Variants in KIAA1958 observed in about 807,000 individuals in gnomAD.
KIAA1958 encodes KIAA1958, also known as uncharacterized protein KIAA1958.
KIAA1958 carries 14 observed loss-of-function variants against 47.2 expected under a neutral mutation model. The observed-to-expected ratio is 0.30, with a 90% CI of 0.20 to 0.46. The LOEUF (loss-of-function observed/expected upper bound fraction) is 0.46. Ranked by LOEUF, KIAA1958 falls within the 20% of genes least tolerant of loss-of-function variation. The pLI is 1.00. For missense variants in KIAA1958, 803 were observed against 909.2 expected (o/e 0.88, Z 1.50); for synonymous variants, 354 against 353.3 (o/e 1.00, Z -0.02).
chr9:112,595,087 C>G (rs1835995178), intron 2 of KIAA1958, among the ~76,000 whole-genome samples: 1 of 152,226 alleles, frequency 6.6e-6, no homozygotes, highest in Non-Finnish European at 1.5e-5. Context: ...AATATTTTCA[C>G]TTTACCTGTG....
rs532231069 is a variant in KIAA1958, at chr9:112,585,428, G to A, written c.1171+10177G>A. 9.3e-4 allele frequency among the ~76,000 whole-genome samples: 142 copies of A among 152,362 alleles called. No individual in the cohort carries two copies. The Middle Eastern group carries it at 0.02, about 22-fold the overall frequency. On this transcript the variant is annotated intron_variant, in intron 2 of 3. Transcript: ENST00000337530. ...AAGCAAGGAGTTGACTGTAGCTTGA[G>A]AATATATCTCAATGGAGCCAGGAGA...
intron 1 of KIAA1958, among the ~76,000 whole-genome samples, chr9:112,509,442 C>T (rs1268382234): frequency 2.6e-4 from 39 of 152,078 alleles, no homozygotes; most frequent in South Asian, 4.1e-4. Context: ...CTCAGGTGAT[C>T]CACCCTCCTC....
intron 2 of KIAA1958, among the ~76,000 whole-genome samples, chr9:112,595,977 G>T (rs996684365): frequency 6.6e-6 from 1 of 151,972 alleles, no homozygotes; most frequent in East Asian, 1.9e-4. Context: ...TAAAGACGGG[G>T]TTTCTCCATG....
rs1242591544 is a variant in KIAA1958, at chr9:112,574,088, A to G, written c.8A>G (p.Asp3Gly). Residue 3 changes from aspartate to glycine, a missense_variant, in exon 2 of 4, where the codon GAT becomes GGT. Asp to Gly is a moderately conservative substitution (Grantham distance 94). Around this residue, in one of 2 missense-constraint regions of KIAA1958, gnomAD observed 42 missense variants for 79.9 expected, o/e 0.53. Coordinates refer to ENST00000337530, the MANE Select transcript of KIAA1958 (RefSeq NM_133465.4). ...CACTGCTGATCCTGTAACATGGAGG[A>G]TTGTCTTCATACCTCATCTGAGAAT... ME[D>G]CLHTSSENLS... 6.3e-7 allele frequency: 1 copy of G among 1,576,796 alleles called. No individual in the cohort carries two copies. The highest frequency in any genetic ancestry group is 1.4e-5 in the African/African-American group (1 of 73,946).
chr9:112,572,738 A>G (rs1191558652), intron 1 of KIAA1958, among the ~76,000 whole-genome samples: 2 of 152,240 alleles, frequency 1.3e-5, no homozygotes, highest in South Asian at 2.1e-4. Context: ...GGGGACCACA[A>G]GAAGTGTGGG....
chr9:112,604,539 A>G (rs989944783), intron 2 of KIAA1958, among the ~76,000 whole-genome samples: 1 of 152,224 alleles, frequency 6.6e-6, no homozygotes, highest in South Asian at 2.1e-4. Flanking sequence ...TACCTTCTTT[A>G]AGAGAATCTA....
intron 2 of KIAA1958, among the ~76,000 whole-genome samples, chr9:112,608,624 T>A (rs1246501425): frequency 1.3e-5 from 2 of 151,964 alleles, no homozygotes; most frequent in East Asian, 3.9e-4. Flanking sequence ...CCGTTATCTA[T>A]ACCAAAAATG....
At chr9:112,530,127 G>A (rs1202904248) in intron 1 of KIAA1958, among the ~76,000 whole-genome samples, 2 of 152,344 alleles carry the variant, frequency 1.3e-5, no homozygotes, top group South Asian at 2.1e-4. Context: ...ACAGGCGTGA[G>A]CCACCACATC....
rs1588027523 is a variant in KIAA1958 at position 112,582,068 on chromosome 9, G to A, written c.1171+6817G>A. ...CCGCTTCAGCGCTGGGAAGGCATAGGCACTGGTTTCAAGTCTACAGACAGT... is the reference window on the plus strand; with the variant it reads ...CCGCTTCAGCGCTGGGAAGGCATAGACACTGGTTTCAAGTCTACAGACAGT... On this transcript the variant is annotated intron_variant, in intron 2 of 3. Transcript: ENST00000337530. 2.0e-5 allele frequency: 4 copies of A among 201,978 alleles called. No individual in the cohort carries two copies. The East Asian group carries it at 5.0e-4, about 25-fold the overall frequency. 12.5% of individuals were successfully genotyped at this position (201,978 alleles called of 1,614,324 possible).
intron 2 of KIAA1958, among the ~76,000 whole-genome samples, chr9:112,644,016 A>G (rs1385309389): frequency 1.3e-5 from 2 of 152,006 alleles, no homozygotes; most frequent in African/African-American, 4.8e-5. Context: ...CGTTTCTACT[A>G]AAAATACAAA....
At chr9:112,623,192 A>G (rs1233411169) in intron 2 of KIAA1958, among the ~76,000 whole-genome samples, 1 of 152,240 alleles carries the variant, frequency 6.6e-6, no homozygotes, top group Non-Finnish European at 1.5e-5. Flanking sequence ...GCACATATGC[A>G]TCAGAGTGTA....
In KIAA1958 at chr9:112,668,230, C is replaced by T. The variant is rs551816810; in HGVS notation, c.*8161C>T. 6.6e-6 allele frequency: 1 copy of T among 152,250 alleles called. No homozygotes were observed. The highest frequency in any genetic ancestry group is 2.1e-4 in the South Asian group (1 of 4,826). The allele number at this position is 152,250 out of a possible 1,614,324, so 9.4% of individuals were successfully genotyped here. ...TGAAGCCCATGTGCTTCTCCATGCT[C>T]AAACGCAGAACTAAAAATGGGTATA... On this transcript the variant is annotated 3_prime_UTR_variant, in exon 4 of 4. Transcript: ENST00000337530.
intron 2 of KIAA1958, among the ~76,000 whole-genome samples, chr9:112,597,021 TA>T (rs11327627): frequency 0.96 from 145,479 of 152,294 alleles, 69,557 homozygotes; most frequent in African/African-American, 0.99. Context: ...TTTCATCTCT[TA>T]AAATTCATCA....
At position 112,665,486 on chromosome 9, in the gene KIAA1958, A is replaced by T. The variant is rs1837341224; in HGVS notation, c.*5417A>T. 1 of 152,196 alleles carries T rather than the reference A, an allele frequency of 6.6e-6. No individual in the cohort carries two copies. The highest frequency in any genetic ancestry group is 1.5e-5 in the Non-Finnish European group (1 of 68,028). 9.4% of individuals were successfully genotyped at this position (152,196 alleles called of 1,614,324 possible). ...GAGAATTTAAGTTTGTAAGTTGGAG[A>T]ATGCAGGTTTTCTGACTCCAAATCT... is the stretch of plus-strand genomic sequence containing the variant. On this transcript the variant is annotated 3_prime_UTR_variant, in exon 4 of 4. Transcript: ENST00000337530.
intron 1 of KIAA1958, among the ~76,000 whole-genome samples, chr9:112,557,052 A>G (rs1835254479): frequency 1.3e-5 from 2 of 152,074 alleles, no homozygotes; most frequent in Non-Finnish European, 2.9e-5. Context: ...TCAACCTCCC[A>G]GGCTCAAGTG....
At position 112,543,601 on chromosome 9, in the gene KIAA1958, T is replaced by G. The variant is rs1221613091; in HGVS notation, c.-24-30456T>G. 2.7e-5 allele frequency among the ~76,000 whole-genome samples: 4 copies of G among 146,980 alleles called. No individual in the cohort carries two copies. The South Asian group carries it at 8.6e-4, about 31-fold the overall frequency. ...TTTTTTTTTTTTTTGAGACCCAGTT[T>G]TGCTCTTGTTGCCCAGGCTAGAGTG... On this transcript the variant is annotated intron_variant, in intron 1 of 3. Transcript: ENST00000337530.
chr9:112,612,439 A>C (rs1426827788), intron 2 of KIAA1958, among the ~76,000 whole-genome samples: 1 of 152,148 alleles, frequency 6.6e-6, no homozygotes, highest in Non-Finnish European at 1.5e-5. Context: ...ATTAAGACTA[A>C]ATATGAATAT....
At chr9:112,560,021 G>C (rs967359754) in intron 1 of KIAA1958, among the ~76,000 whole-genome samples, 1 of 151,340 alleles carries the variant, frequency 6.6e-6, no homozygotes, top group African/African-American at 2.4e-5. Flanking sequence ...GATTGGGAAA[G>C]TTCTTAAGAA....
intron 2 of KIAA1958, among the ~76,000 whole-genome samples, chr9:112,599,399 A>C (rs1836090453): frequency 6.6e-6 from 1 of 152,234 alleles, no homozygotes; most frequent in African/African-American, 2.4e-5. Context: ...AAACTCACTG[A>C]AGTGAAATGC....
Sources: gnomAD v4.1 joint callset for allele counts (sites outside exome capture counted in the v4.1 genomes callset) on GRCh38, gnomAD v4.1.1 for gene constraint, gnomAD v4.1.1 regional missense constraint, MANE v1.5 for transcripts, NCBI Gene and HGNC (gene_info 2026-07-23, HGNC 2026-07-21) for gene names.